Variants in MYO15B observed in about 807,000 individuals in gnomAD.
MYO15B encodes the protein myosin XVB.
Under a neutral mutation model 119.3 loss-of-function variants are expected in MYO15B, and 207 were observed. That is an observed-to-expected ratio of 1.73 (90% confidence interval 1.55 to 1.95). The LOEUF (loss-of-function observed/expected upper bound fraction) is 1.95, where lower values mean the gene tolerates loss of function less well. MYO15B is among the 30% of genes most tolerant of loss of function. The probability of loss-of-function intolerance (pLI) is 0.00; values close to 1 mark genes in which losing one functional copy is unlikely to be tolerated. For synonymous variants in MYO15B, 966 were observed against 498.9 expected (o/e 1.94, Z -12.48); for missense variants, 2,264 against 1,203.1 (o/e 1.88, Z -13.04).
chr17:75,626,466 G>A, exon 64 of MYO15B: 1 of 703,282 alleles, frequency 1.4e-6, no homozygotes, highest in Non-Finnish European at 2.6e-6. Flanking sequence ...CTTGCACTGA[G>A]TGGCCCAGCA....
At chr17:75,603,772 C>T (rs1478655820) in intron 19 of MYO15B, among the ~76,000 whole-genome samples, 1 of 152,220 alleles carries the variant, frequency 6.6e-6, no homozygotes, top group Non-Finnish European at 1.5e-5. Flanking sequence ...CCAGAGGCAG[C>T]TCTGTTCCCA....
intron 22 of MYO15B, 110 bp from the exon 23 acceptor site, chr17:75,610,790 G>T (rs906491411): frequency 2.9e-6 from 2 of 689,522 alleles, no homozygotes; most frequent in Middle Eastern, 3.2e-4. Context: ...TCACTCCTTT[G>T]CTGAGAACCT....
chr17:75,624,832 C>A (rs964513600), exon 59 of MYO15B: 9 of 702,886 alleles, frequency 1.3e-5, no homozygotes, highest in Non-Finnish European at 2.1e-5. Flanking sequence ...TGGACCAGGA[C>A]GTGAGCCTGC....
chr17:75,598,708 T>C (rs1018847039), intron 14 of MYO15B, among the ~76,000 whole-genome samples: 33 of 152,332 alleles, frequency 2.2e-4, no homozygotes, highest in African/African-American at 7.7e-4. Context: ...TTAATACTTA[T>C]ACGTATGTAA....
exon 57 of MYO15B, chr17:75,624,401 A>G (rs1460829198): frequency 2.8e-6 from 2 of 702,164 alleles, no homozygotes; most frequent in Non-Finnish European, 5.2e-6. Flanking sequence ...CTTCTTATTC[A>G]CCTGCCGGGG....
intron 14 of MYO15B, among the ~76,000 whole-genome samples, chr17:75,599,344 G>A (rs942427436): frequency 6.6e-6 from 1 of 150,832 alleles, no homozygotes. Context: ...GCGTGATCTT[G>A]GCCCACTGCA....
Position 75,625,241 on chromosome 17 carries a change from G to T in MYO15B, c.8804+3G>T. The T allele has an allele frequency of 1.4e-6, 1 of 697,332 alleles. No homozygotes were observed. The highest frequency in any genetic ancestry group is 1.5e-5 in the South Asian group (1 of 67,070). The allele number at this position is 697,332 out of a possible 1,614,324, so 43.2% of individuals were successfully genotyped here. A position where few individuals can be genotyped will look rare whatever the true frequency, so the allele number is the denominator to read the frequency against. On this transcript the variant is annotated splice_donor_region_variant and intron_variant, in intron 60 of 63. Coordinates refer to ENST00000645453, the Ensembl canonical transcript of MYO15B. Reference sequence around the variant, plus strand: ...GCCAACAGGAATACCCCCTCAGGGTGAGTGGAGGCACCTCCCGCCCCTAAG... The same window carrying T: ...GCCAACAGGAATACCCCCTCAGGGTTAGTGGAGGCACCTCCCGCCCCTAAG...
chr17:75,613,845 C>T, intron 29 of MYO15B, 68 bp downstream of exon 29: 1 of 636,138 alleles, frequency 1.6e-6, no homozygotes, highest in Non-Finnish European at 2.9e-6. Context: ...CCTCCTTCTC[C>T]AAGCCCAGTC....
At chr17:75,602,337 G>A in intron 15 of MYO15B, 180 bp from the exon 16 acceptor site, 1 of 697,394 alleles carries the variant, frequency 1.4e-6, no homozygotes, top group Non-Finnish European at 2.6e-6. Context: ...TGTCCATGGG[G>A]TGGAATGGAA....
In MYO15B at chr17:75,590,261, C is replaced by G. The variant is rs1031162932; in HGVS notation, c.2186+18C>G. 2 of 399,082 alleles carry G rather than the reference C, an allele frequency of 5.0e-6. No individual in the cohort carries two copies. The highest frequency in any genetic ancestry group is 8.8e-6 in the Non-Finnish European group (2 of 226,078). The allele number at this position is 399,082 out of a possible 1,614,324, so 24.7% of individuals were successfully genotyped here. A position where few individuals can be genotyped will look rare whatever the true frequency, so the allele number is the denominator to read the frequency against. On this transcript the variant is annotated intron_variant, in intron 1 of 63. Coordinates refer to ENST00000645453, the Ensembl canonical transcript of MYO15B. Reference sequence around the variant, plus strand: ...CGGTTGCGGTTAGCGGGCGCGGTGCCAAAGCTGCCATCCCCGGCTCACAGC... The same window carrying G: ...CGGTTGCGGTTAGCGGGCGCGGTGCGAAAGCTGCCATCCCCGGCTCACAGC...
exon 35 of MYO15B, chr17:75,615,525 A>T (rs1191186266): frequency 1.4e-6 from 1 of 699,564 alleles, no homozygotes; most frequent in Admixed American, 2.0e-5. Flanking sequence ...CGCCGCAGCC[A>T]CCGCTTCCCA....
chr17:75,593,097 C>A, intron 9 of MYO15B: 1 of 352,144 alleles, frequency 2.8e-6, no homozygotes, highest in East Asian at 5.2e-5. Flanking sequence ...TGGTGGGTCA[C>A]ACCTGTGATC....
exon 59 of MYO15B, chr17:75,624,916 G>T (rs1233463172): frequency 1.4e-6 from 1 of 702,438 alleles, no homozygotes; most frequent in East Asian, 2.7e-5. Context: ...ACTACAGCCA[G>T]GTCAGCCTGC....
At chr17:75,616,615 G>T (rs1485381698) in exon 39 of MYO15B, 1 of 702,926 alleles carries the variant, frequency 1.4e-6, no homozygotes, top group Non-Finnish European at 2.6e-6. Flanking sequence ...AGCCAGCCAA[G>T]GAGACAGCGG....
Position 75,592,660 on chromosome 17 carries a change from C to A in MYO15B, c.2830-19C>A. The A allele has an allele frequency of 1.4e-6, 1 of 693,688 alleles. No individual in the cohort carries two copies. 43.0% of individuals were successfully genotyped at this position (693,688 alleles called of 1,614,324 possible). ...TGGGGTGGCAGGCCCCGCTCCCTCACCCCTGCTGTGCTCTGCAGGGCCAGG... is the reference window on the plus strand; with the variant it reads ...TGGGGTGGCAGGCCCCGCTCCCTCAACCCTGCTGTGCTCTGCAGGGCCAGG... On this transcript the variant is annotated intron_variant, in intron 8 of 63. Transcript: ENST00000645453.
At chr17:75,623,664 T>C (rs1250577308) in intron 53 of MYO15B, 117 bp from the exon 54 acceptor site, 1 of 652,810 alleles carries the variant, frequency 1.5e-6, no homozygotes, top group African/African-American at 1.8e-5. Flanking sequence ...TGTCTTAAGC[T>C]GAGAGAGACA....
intron 21 of MYO15B, among the ~76,000 whole-genome samples, chr17:75,609,208 TC>T (rs2057848231): frequency 6.7e-6 from 1 of 150,322 alleles, no homozygotes; most frequent in Non-Finnish European, 1.5e-5. Context: ...GTTCTGCTGC[TC>T]TTTTTTTTTT....
chr17:75,595,762 G>A (rs2056817848), intron 12 of MYO15B, among the ~76,000 whole-genome samples: 1 of 152,224 alleles, frequency 6.6e-6, no homozygotes, highest in African/African-American at 2.4e-5. Flanking sequence ...CCCACGTCAG[G>A]AGGAAAGGGA....
intron 45 of MYO15B, 26 bp from the exon 46 acceptor site, chr17:75,619,655 G>C: frequency 1.4e-6 from 1 of 702,448 alleles, no homozygotes; most frequent in Non-Finnish European, 2.6e-6. Context: ...CCAGGAGACT[G>C]CCCGAGACCC....
Sources: gnomAD v4.1 joint callset for allele counts (sites outside exome capture counted in the v4.1 genomes callset) on GRCh38, gnomAD v4.1.1 for gene constraint, MANE v1.5 for transcripts, NCBI Gene and HGNC (gene_info 2026-07-23, HGNC 2026-07-21) for gene names.